Variants in HIP1 observed in about 807,000 individuals in gnomAD.
HIP1 encodes the protein huntingtin interacting protein 1.
A neutral mutation model predicts 147.6 loss-of-function variants in HIP1; 65 were observed. The observed-to-expected ratio is 0.44, with a 90% confidence interval of 0.36 to 0.54. The LOEUF (loss-of-function observed/expected upper bound fraction) is 0.54, where lower values mean the gene tolerates loss of function less well. HIP1 is among the 20% of genes least tolerant of loss of function. The probability of loss-of-function intolerance (pLI) is 0.00; values close to 1 mark genes in which losing one functional copy is unlikely to be tolerated. For missense variants in HIP1, 1,061 were observed against 1,299.6 expected (o/e 0.82, Z 2.82); for synonymous variants, 479 against 504.0 (o/e 0.95, Z 0.67).
intron 5 of HIP1, among the ~76,000 whole-genome samples, chr7:75,584,130 T>C (rs914704959): frequency 6.8e-6 from 1 of 147,832 alleles, no homozygotes; most frequent in Non-Finnish European, 1.5e-5. Flanking sequence ...CCCGGCTAAT[T>C]TTTTTGTATT....
At chr7:75,716,407 G>C (rs1801320420) in intron 1 of HIP1, among the ~76,000 whole-genome samples, 1 of 151,504 alleles carries the variant, frequency 6.6e-6, no homozygotes, top group Non-Finnish European at 1.5e-5. Context: ...TACTTTAGTA[G>C]AGATAGGGTT....
intron 1 of HIP1, among the ~76,000 whole-genome samples, chr7:75,706,623 A>ATTTTTTTTTTTTT (rs71082342): frequency 1.9e-5 from 2 of 103,640 alleles, no homozygotes; most frequent in Admixed American, 2.1e-4. Context: ...TCAACTCGTC[A>ATTTTTTTTTTTTT]TTTTTTTTTT....
chr7:75,653,508 G>A (rs1340632064), intron 1 of HIP1, among the ~76,000 whole-genome samples: 1 of 151,906 alleles, frequency 6.6e-6, no homozygotes, highest in Non-Finnish European at 1.5e-5. Flanking sequence ...AGAAAAATTA[G>A]CGGGCTGTGG....
At chr7:75,619,089 T>C (rs1202204368) in intron 1 of HIP1, among the ~76,000 whole-genome samples, 1 of 152,116 alleles carries the variant, frequency 6.6e-6, no homozygotes, top group Non-Finnish European at 1.5e-5. Context: ...TACCCCGAGT[T>C]TGTACACACA....
chr7:75,728,191 C>T (rs1264349116), intron 1 of HIP1, among the ~76,000 whole-genome samples: 1 of 152,240 alleles, frequency 6.6e-6, no homozygotes, highest in East Asian at 1.9e-4. Context: ...GCTTCCTGAG[C>T]TGTCTTGTGG....
intron 1 of HIP1, among the ~76,000 whole-genome samples, chr7:75,663,838 C>T (rs1355747726): frequency 2.7e-5 from 4 of 150,864 alleles, no homozygotes; most frequent in African/African-American, 4.9e-5. Context: ...AGTAGAGCAA[C>T]GGTCCTGCTA....
At chr7:75,577,757 T>G (rs1447311988) in intron 7 of HIP1, among the ~76,000 whole-genome samples, 2 of 152,122 alleles carry the variant, frequency 1.3e-5, no homozygotes, top group Non-Finnish European at 2.9e-5. Context: ...CCAAGCACCT[T>G]GGGAGGCCAA....
intron 1 of HIP1, among the ~76,000 whole-genome samples, chr7:75,657,974 A>C (rs1370408916): frequency 3.9e-5 from 6 of 152,198 alleles, no homozygotes; most frequent in Non-Finnish European, 5.9e-5. Context: ...AATACTATGC[A>C]GTAGTTAAAA....
chr7:75,663,329 T>A (rs548336596), intron 1 of HIP1, among the ~76,000 whole-genome samples: 25 of 152,042 alleles, frequency 1.6e-4, no homozygotes, highest in African/African-American at 6.0e-4. Flanking sequence ...CCAGGAGGGG[T>A]GGCGTACACC....
chr7:75,645,479 G>A lies in HIP1; in HGVS notation c.121-46232C>T, dbSNP rs547010495. ...TGACCTCAGGTGATCTGCCTGCCTC[G>A]GCCTCCCAAAGTGCTGTAATTACAG... On this transcript the variant is annotated intron_variant, in intron 1 of 30. Coordinates refer to ENST00000336926, the MANE Select transcript of HIP1 (RefSeq NM_005338.7). 1.1e-4 allele frequency among the ~76,000 whole-genome samples: 16 copies of A among 152,124 alleles called. 1 individual carries two copies. The highest frequency in any genetic ancestry group is 3.1e-4 in the African/African-American group (13 of 41,514).
rs1244014887 is a variant in HIP1 at position 75,611,728 on chromosome 7, T to TG, written c.121-12482dup. 12 of 1,035,758 alleles carry TG rather than the reference T, an allele frequency of 1.2e-5. No homozygotes were observed. In the African/African-American group the frequency reaches 2.0e-4, roughly 17 times the overall value. 64.2% of individuals were successfully genotyped at this position (1,035,758 alleles called of 1,614,324 possible). ...GAACAGGCTGTTCTCTGGACTTCCC[T>TG]GGAGTCACACAGGACCTAAGACCAA... On this transcript the variant is annotated intron_variant, in intron 1 of 30. Transcript: ENST00000336926.
intron 1 of HIP1, among the ~76,000 whole-genome samples, chr7:75,600,729 G>C (rs1796942825): frequency 6.6e-6 from 1 of 151,920 alleles, no homozygotes; most frequent in African/African-American, 2.4e-5. Flanking sequence ...TTCTGCAAAG[G>C]GGCTGAAAAA....
At chr7:75,691,572 G>T (rs1800453748) in intron 1 of HIP1, among the ~76,000 whole-genome samples, 1 of 152,062 alleles carries the variant, frequency 6.6e-6, no homozygotes, top group South Asian at 2.1e-4. Context: ...GCTGAGGCGG[G>T]TGGATTACTT....
chr7:75,737,395 G>A (rs1243499433), intron 1 of HIP1, among the ~76,000 whole-genome samples: 1 of 152,126 alleles, frequency 6.6e-6, no homozygotes, highest in African/African-American at 2.4e-5. Context: ...CCAGGCTGGA[G>A]TGCAGTGGCG....
At chr7:75,586,484 G>A (rs1796284895) in intron 5 of HIP1, among the ~76,000 whole-genome samples, 1 of 152,166 alleles carries the variant, frequency 6.6e-6, no homozygotes, top group African/African-American at 2.4e-5. Flanking sequence ...TTATAGGTGT[G>A]AGCCACCGTG....
intron 13 of HIP1, among the ~76,000 whole-genome samples, chr7:75,560,953 A>ATTTT (rs11438714): frequency 2.1e-5 from 3 of 140,070 alleles, no homozygotes; most frequent in Non-Finnish European, 3.1e-5. Flanking sequence ...AGGTGATGCA[A>ATTTT]TTTTTTTTTT....
chr7:75,674,747 T>A (rs926074438), intron 1 of HIP1, among the ~76,000 whole-genome samples: 1 of 151,886 alleles, frequency 6.6e-6, no homozygotes, highest in African/African-American at 2.4e-5. Flanking sequence ...TGCCTCGGCC[T>A]CCCAAAGTGC....
intron 2 of HIP1, among the ~76,000 whole-genome samples, chr7:75,596,738 T>C (rs986165998): frequency 1.3e-5 from 2 of 152,182 alleles, no homozygotes; most frequent in Non-Finnish European, 2.9e-5. Flanking sequence ...CTAAGACTCA[T>C]GGAGGCCCCA....
chr7:75,568,133 T>C lies in HIP1; in HGVS notation c.803+66A>G. 1 of 1,171,108 alleles carries C rather than the reference T, an allele frequency of 8.5e-7. No individual in the cohort carries two copies. Among genetic ancestry groups the C allele is most frequent in the South Asian group, 1.2e-5 (1 of 82,016 alleles). The allele number at this position is 1,171,108 out of a possible 1,614,324, so 72.5% of individuals were successfully genotyped here. On this transcript the variant is annotated intron_variant, in intron 9 of 30. Coordinates refer to ENST00000336926, the MANE Select transcript of HIP1 (RefSeq NM_005338.7). This position sits in a 1 kb window ranked among gnomAD's most constrained non-coding sequence, Gnocchi z 4.1. ...GTCCAGCCACCTCTCACAGTGCACT[T>C]GCATGGCTTAATGATTTTATAGCGC...
Sources: allele counts gnomAD v4.1 joint callset (sites outside exome capture counted in the v4.1 genomes callset), GRCh38; gene constraint gnomAD v4.1.1; non-coding constraint Gnocchi (gnomAD v3.1); transcripts MANE v1.5; gene names NCBI Gene and HGNC (gene_info 2026-07-23, HGNC 2026-07-21).